GPRC6A: variants seen among roughly 807,000 people sequenced by gnomAD.
The protein encoded by GPRC6A is G protein-coupled receptor family C group 6 member A.
In GPRC6A, 54 loss-of-function variants were observed where a neutral mutation model predicts 47.0. That is an observed-to-expected ratio of 1.15 (90% CI 0.92 to 1.44). The LOEUF is 1.44. GPRC6A is among the 40% of genes most tolerant of loss of function. The probability of loss-of-function intolerance (pLI) is 0.00; values close to 1 mark genes in which losing one functional copy is unlikely to be tolerated. For synonymous variants in GPRC6A, 347 were observed against 377.1 expected (o/e 0.92, Z 0.93); for missense variants, 1,112 against 1,105.5 (o/e 1.01, Z -0.08).
chr6:116,817,672 A>C (rs954659266), intron 1 of GPRC6A, among the ~76,000 whole-genome samples: 10 of 151,964 alleles, frequency 6.6e-5, no homozygotes, highest in Non-Finnish European at 1.2e-4. Flanking sequence ...TAACCAATAC[A>C]GAGAAGTGCT....
intron 1 of GPRC6A, among the ~76,000 whole-genome samples, chr6:116,821,297 C>T (rs906836407): frequency 3.3e-5 from 5 of 151,996 alleles, no homozygotes; most frequent in African/African-American, 1.2e-4. Context: ...AGGTAATTTA[C>T]AGATTCAATG....
chr6:116,817,307 C>A (rs1229687234), intron 1 of GPRC6A, among the ~76,000 whole-genome samples: 1 of 152,072 alleles, frequency 6.6e-6, no homozygotes, highest in Non-Finnish European at 1.5e-5. Context: ...CGTATTCCAA[C>A]AGACCTGCAG....
chr6:116,823,900 A>G (rs560584073), intron 1 of GPRC6A, among the ~76,000 whole-genome samples: 1 of 152,134 alleles, frequency 6.6e-6, no homozygotes, highest in South Asian at 2.1e-4. Flanking sequence ...AAACAACCAG[A>G]TCTTATGAGA....
chr6:116,815,198 T>TA lies in GPRC6A; in HGVS notation c.195-5582dup, dbSNP rs1255762766. Among the ~76,000 whole-genome samples, 65 of 152,166 alleles carry TA rather than the reference T, an allele frequency of 4.3e-4. 1 individual carries two copies. Among genetic ancestry groups the TA allele is most frequent in the Admixed American group, 3.9e-3 (59 of 15,274 alleles). On this transcript the variant is annotated intron_variant, in intron 1 of 5. Transcript: ENST00000310357. ...AAAATTGGCAAAAATATAACAAACT[T>TA]ACGACCAGGCATGGTAGCTCACCCC...
intron 1 of GPRC6A, among the ~76,000 whole-genome samples, chr6:116,820,243 G>A (rs1474349092): frequency 6.6e-6 from 1 of 152,154 alleles, no homozygotes; most frequent in African/African-American, 2.4e-5. Flanking sequence ...AAGAGTCCAG[G>A]ACCAGATGGA....
At chr6:116,820,203 G>A (rs539333228) in intron 1 of GPRC6A, among the ~76,000 whole-genome samples, 68 of 152,124 alleles carry the variant, frequency 4.5e-4, no homozygotes, top group African/African-American at 1.6e-3. Flanking sequence ...ATCTGAAATT[G>A]TGGCAATAAT....
At chr6:116,820,340 C>T (rs1483890007) in intron 1 of GPRC6A, among the ~76,000 whole-genome samples, 2 of 152,088 alleles carry the variant, frequency 1.3e-5, no homozygotes, top group African/African-American at 4.8e-5. Flanking sequence ...AAGAGGGAAT[C>T]CTCCCTAACT....
Position 116,806,456 on chromosome 6 carries a change from G to T in GPRC6A, c.1249C>A (p.Leu417Ile), listed in dbSNP as rs183900159. 6.2e-7 allele frequency: 1 copy of T among 1,613,532 alleles called. No homozygotes were observed. Among genetic ancestry groups the T allele is most frequent in the Admixed American group, 1.7e-5 (1 of 59,844 alleles). The change falls in exon 3 of 6, where the codon CTT (leucine) becomes ATT (isoleucine). Residue 417 changes from leucine (L) to isoleucine (I), a missense_variant. By Grantham distance (5) the Leu-to-Ile change is conservative (BLOSUM62 2). Transcript: ENST00000310357. ...AEPGLIHSIQ[L>I]AVFALGYAIR... ...GCATAACCAAGGGCAAACACTGCAA[G>T]CTGAATACTATGAATGAGTCCTGGC...
At chr6:116,807,794 A>G (rs1162435743) in intron 2 of GPRC6A, among the ~76,000 whole-genome samples, 1 of 152,158 alleles carries the variant, frequency 6.6e-6, no homozygotes, top group Non-Finnish European at 1.5e-5. Context: ...GCTCAAGAGC[A>G]TGAGAACCAC....
intron 2 of GPRC6A, among the ~76,000 whole-genome samples, chr6:116,808,083 C>T (rs1047878346): frequency 6.6e-6 from 1 of 151,674 alleles, no homozygotes; most frequent in African/African-American, 2.4e-5. Flanking sequence ...GTTAGAATCC[C>T]AACTCCAATA....
intron 1 of GPRC6A, among the ~76,000 whole-genome samples, chr6:116,810,211 C>T (rs1772981378): frequency 6.6e-6 from 1 of 152,132 alleles, no homozygotes. Context: ...AAGTTTATTT[C>T]ATCCACCACT....
chr6:116,795,300 G>A (rs1232328742), intron 5 of GPRC6A, among the ~76,000 whole-genome samples: 1 of 151,982 alleles, frequency 6.6e-6, no homozygotes, highest in Non-Finnish European at 1.5e-5. Flanking sequence ...CTTAACTCCG[G>A]GTGCCTCTGG....
rs183390367 is a variant in GPRC6A, at chr6:116,795,755, A to G, written c.1629T>C (p.Tyr543=). The change falls in exon 5 of 6, where the codon TAT becomes TAC. Residue 543 remains tyrosine (Y), a synonymous_variant. Coordinates refer to ENST00000310357, the MANE Select transcript of GPRC6A (RefSeq NM_148963.4). ...KTTRSQHICC[Y]ECQNCPENHY... ...GATTTTCAGGACAGTTCTGACATTC[A>G]TAGCAACAGATGTGTTGACTTCTTG... 6 of 1,610,878 alleles carry G rather than the reference A, an allele frequency of 3.7e-6. No individual in the cohort carries two copies. In the African/African-American group the frequency reaches 6.7e-5, roughly 18 times the overall value.
At chr6:116,817,726 T>C (rs554946156) in intron 1 of GPRC6A, among the ~76,000 whole-genome samples, 177 of 151,916 alleles carry the variant, frequency 1.2e-3, no homozygotes, top group Non-Finnish European at 7.1e-4. Context: ...GAGAACTACG[T>C]GAAGAATGCA....
chr6:116,818,532 T>TCAAAAAAAAAAAAAAAA lies in GPRC6A; in HGVS notation c.195-8916_195-8915insTTTTTTTTTTTTTTTTG, dbSNP rs1554263527. Among the ~76,000 whole-genome samples, 12 of 15,508 alleles carry TCAAAAAAAAAAAAAAAA rather than the reference T, an allele frequency of 7.7e-4. 4 individuals are homozygous for TCAAAAAAAAAAAAAAAA. The highest frequency in any genetic ancestry group is 0.14 in the Middle Eastern group (2 of 14). The allele number at this position is 15,508 out of a possible 152,430, so 10.2% of individuals were successfully genotyped here. On this transcript the variant is annotated intron_variant, in intron 1 of 5. Coordinates refer to ENST00000310357, the MANE Select transcript of GPRC6A (RefSeq NM_148963.4). ...CTGGGCGACAGAGCGAGACTCCGTC[T>TCAAAAAAAAAAAAAAAA]AAAAAAAAAAAAAAAAAAAAAAAAA...
intron 1 of GPRC6A, among the ~76,000 whole-genome samples, chr6:116,812,401 T>A (rs1035852451): frequency 6.6e-6 from 1 of 152,058 alleles, no homozygotes; most frequent in Non-Finnish European, 1.5e-5. Context: ...ATGATGATGC[T>A]TATCATGGTG....
chr6:116,804,305 A>T (rs760187074), intron 3 of GPRC6A, among the ~76,000 whole-genome samples: 4 of 152,068 alleles, frequency 2.6e-5, no homozygotes, highest in Admixed American at 6.6e-5. Flanking sequence ...AATAAGTGCT[A>T]TCCTCAAACA....
At chr6:116,821,692 C>G (rs141125354) in intron 1 of GPRC6A, among the ~76,000 whole-genome samples, 1 of 152,124 alleles carries the variant, frequency 6.6e-6, no homozygotes, top group African/African-American at 2.4e-5. Context: ...TTCCTTACAC[C>G]TTAGACAAAA....
chr6:116,799,708 G>T (rs1772600769), intron 4 of GPRC6A, among the ~76,000 whole-genome samples: 2 of 152,080 alleles, frequency 1.3e-5, no homozygotes, highest in Non-Finnish European at 1.5e-5. Flanking sequence ...AACAACAAAG[G>T]TTCTTTGTTT....
Sources: gnomAD v4.1 joint callset for allele counts (sites outside exome capture counted in the v4.1 genomes callset) on GRCh38, gnomAD v4.1.1 for gene constraint, MANE v1.5 for transcripts, NCBI Gene and HGNC (gene_info 2026-07-23, HGNC 2026-07-21) for gene names.